SLC6A2: variants seen among roughly 807,000 people sequenced by gnomAD.
SLC6A2 encodes sodium-dependent noradrenaline transporter.
SLC6A2 carries 26 observed loss-of-function variants against 71.7 expected under a neutral mutation model. That is an observed-to-expected ratio of 0.36 (90% CI 0.27 to 0.50). SLC6A2 has a LOEUF of 0.50. SLC6A2 is among the 20% of genes least tolerant of loss of function. SLC6A2 has a pLI of 0.96. For missense variants in SLC6A2, 581 were observed against 803.9 expected, an observed-to-expected ratio of 0.72 and a Z score of 3.35; for synonymous variants, 363 against 337.9, an observed-to-expected ratio of 1.07 and a Z score of -0.82.
At chr16:55,677,694 C>T (rs36022) in intron 4 of SLC6A2, among the ~76,000 whole-genome samples, 8,565 of 124,190 alleles carry the variant, frequency 0.069, 301 homozygotes, top group Non-Finnish European at 0.091. Flanking sequence ...TTAAAAAAGA[C>T]GGGGTCTTGC....
chr16:55,678,302 G>C (rs1020879179), intron 4 of SLC6A2, among the ~76,000 whole-genome samples: 1 of 151,964 alleles, frequency 6.6e-6, no homozygotes, highest in African/African-American at 2.4e-5. Context: ...GTCATCAGCT[G>C]CCTCTGGACT....
chr16:55,702,258 C>G, intron 14 of SLC6A2, 65 bp from the exon 15 acceptor site: 1 of 1,521,580 alleles, frequency 6.6e-7, no homozygotes, highest in South Asian at 1.1e-5. Flanking sequence ...GCTGCCCCCG[C>G]CAGCTGGCCC....
intron 4 of SLC6A2, among the ~76,000 whole-genome samples, chr16:55,681,862 GAT>G (rs1965282271): frequency 6.6e-6 from 1 of 152,222 alleles, no homozygotes; most frequent in Non-Finnish European, 1.5e-5. Context: ...AGGGAAGGAC[GAT>G]ATATTAAGCT....
At chr16:55,680,909 G>A (rs539116424) in intron 4 of SLC6A2, among the ~76,000 whole-genome samples, 1 of 152,206 alleles carries the variant, frequency 6.6e-6, no homozygotes, top group South Asian at 2.1e-4. Flanking sequence ...AGCCATTCTG[G>A]GGAGGGGGCA....
intron 5 of SLC6A2, among the ~76,000 whole-genome samples, chr16:55,687,836 T>A (rs930395233): frequency 6.6e-6 from 1 of 152,190 alleles, no homozygotes; most frequent in Non-Finnish European, 1.5e-5. Flanking sequence ...GCAGGCAGGC[T>A]GATGCAAAAG....
Position 55,703,231 on chromosome 16 carries a change from G to A in SLC6A2, c.*885G>A, listed in dbSNP as rs960919323. On this transcript the variant is annotated 3_prime_UTR_variant, in exon 15 of 15. Coordinates refer to ENST00000568943, the MANE Select transcript of SLC6A2 (RefSeq NM_001172501.3). ...CCTGAGACCTGCCTGGGGAAACGGG[G>A]GCAGGGACCAAGTGAGGCCTCATGT... The A allele has an allele frequency of 9.1e-6, 9 of 985,248 alleles. No individual in the cohort carries two copies. In the African/African-American group the frequency reaches 1.6e-4, roughly 17 times the overall value. The allele number at this position is 985,248 out of a possible 1,614,324, so 61.0% of individuals were successfully genotyped here.
intron 7 of SLC6A2, 91 bp downstream of exon 7, chr16:55,694,204 T>G: frequency 1.0e-6 from 1 of 970,884 alleles, no homozygotes; most frequent in Non-Finnish European, 1.7e-6. Flanking sequence ...GGAAGCCAAC[T>G]CTCCCTGGGC....
chr16:55,700,179 C>A lies in SLC6A2; in HGVS notation c.1631C>A (p.Thr544Asn). The A allele has an allele frequency of 6.2e-7, 1 of 1,614,162 alleles. No homozygotes were observed. The highest frequency in any genetic ancestry group is 2.2e-5 in the East Asian group (1 of 44,862). ...AGCATCATCAACTTCAAGCCACTCACCTACGACGACTACATCTTCCCGCCC... is the reference window on the plus strand; with the variant it reads ...AGCATCATCAACTTCAAGCCACTCAACTACGACGACTACATCTTCCCGCCC... ...VVSIINFKPLTYDDYIFPPWA... is the reference protein window; with the variant it reads ...VVSIINFKPLNYDDYIFPPWA... Residue 544 changes from threonine (T) to asparagine (N), a missense_variant, in exon 13 of 15, where the codon ACC (threonine) becomes AAC (asparagine). Physicochemically the swap from Thr to Asn is moderately conservative, Grantham distance 65 (BLOSUM62 0). Around this residue, in one of 5 missense-constraint regions of SLC6A2, gnomAD observed 334 missense variants for 449.0 expected, o/e 0.74. Transcript: ENST00000568943.
intron 2 of SLC6A2, among the ~76,000 whole-genome samples, chr16:55,664,497 A>G (rs1355955302): frequency 6.6e-6 from 1 of 152,162 alleles, no homozygotes; most frequent in African/African-American, 2.4e-5. Context: ...GTGCTCCACA[A>G]AGGGCCCAGC....
At chr16:55,696,167 A>G (rs1162314437) in intron 8 of SLC6A2, 58 bp from the exon 9 acceptor site, 6 of 1,029,990 alleles carry the variant, frequency 5.8e-6, no homozygotes, top group Admixed American at 1.7e-5. Context: ...CTCCCCTATC[A>G]TGTGCAGCTC....
chr16:55,687,533 T>G (rs1419748295), intron 5 of SLC6A2, among the ~76,000 whole-genome samples: 1 of 151,118 alleles, frequency 6.6e-6, no homozygotes, highest in Non-Finnish European at 1.5e-5. Flanking sequence ...ACTGTAGAGA[T>G]GTGGAAGCCC....
chr16:55,695,045 C>T (rs115948760), intron 7 of SLC6A2, among the ~76,000 whole-genome samples: 169 of 152,292 alleles, frequency 1.1e-3, no homozygotes, highest in African/African-American at 4.0e-3. Context: ...GCTGGTGACT[C>T]AATTCCCTGG....
chr16:55,705,495 C>T lies in SLC6A2; in HGVS notation c.*3149C>T, dbSNP rs1449681497. 1.0e-5 allele frequency: 5 copies of T among 482,582 alleles called. No homozygotes were observed. Among genetic ancestry groups the T allele is most frequent in the African/African-American group, 3.9e-5 (2 of 51,686 alleles). 29.9% of individuals were successfully genotyped at this position (482,582 alleles called of 1,614,324 possible). ...AAAACAGAGAAGGTGTGTAGTGTGGCGGAAAAAGCACAGCATATAGTTTTA... is the reference window on the plus strand; with the variant it reads ...AAAACAGAGAAGGTGTGTAGTGTGGTGGAAAAAGCACAGCATATAGTTTTA... On this transcript the variant is annotated 3_prime_UTR_variant, in exon 15 of 15. Coordinates refer to ENST00000568943, the MANE Select transcript of SLC6A2 (RefSeq NM_001172501.3).
intron 2 of SLC6A2, among the ~76,000 whole-genome samples, chr16:55,662,660 G>C (rs1964641166): frequency 6.6e-6 from 1 of 152,132 alleles, no homozygotes; most frequent in East Asian, 1.9e-4. Context: ...AGCTTTATTA[G>C]GAAAAATCAA....
chr16:55,696,053 C>T (rs1360782899), intron 8 of SLC6A2, among the ~76,000 whole-genome samples, 172 bp from the exon 9 acceptor site: 1 of 152,196 alleles, frequency 6.6e-6, no homozygotes, highest in Non-Finnish European at 1.5e-5. Flanking sequence ...GGGTCAACCT[C>T]TCCGATGCAC....
chr16:55,679,832 G>A (rs1448563521), intron 4 of SLC6A2, among the ~76,000 whole-genome samples: 6 of 152,210 alleles, frequency 3.9e-5, no homozygotes, highest in Admixed American at 2.0e-4. Context: ...GGGATGGACT[G>A]TGGAAGGCCT....
chr16:55,695,247 G>T, intron 7 of SLC6A2, 31 bp from the exon 8 acceptor site: 1 of 1,613,538 alleles, frequency 6.2e-7, no homozygotes. Context: ...GGGTGTCAAG[G>T]GACTTGACCT....
At chr16:55,684,489 A>G (rs188430459) in intron 4 of SLC6A2, among the ~76,000 whole-genome samples, 2 of 152,326 alleles carry the variant, frequency 1.3e-5, no homozygotes, top group East Asian at 3.9e-4. Context: ...GTCAATACCT[A>G]GGGCACAGGA....
At chr16:55,669,434 T>G in intron 2 of SLC6A2, 131 bp from the exon 3 acceptor site, 1 of 823,488 alleles carries the variant, frequency 1.2e-6, no homozygotes, top group Non-Finnish European at 2.1e-6. Flanking sequence ...TTAGTATTGA[T>G]TGCTGCGCGT....
Sources: gnomAD v4.1 joint callset for allele counts (sites outside exome capture counted in the v4.1 genomes callset) on GRCh38, gnomAD v4.1.1 for gene constraint, gnomAD v4.1.1 regional missense constraint, MANE v1.5 for transcripts, NCBI Gene and HGNC (gene_info 2026-07-23, HGNC 2026-07-21) for gene names.